The following SLC44A5 variants were observed in gnomAD, a reference collection of about 807,000 sequenced individuals.
The protein encoded by SLC44A5 is solute carrier family 44 member 5.
Under a neutral mutation model 101.8 loss-of-function variants are expected in SLC44A5, and 57 were observed. The ratio of observed to expected loss-of-function variants is 0.56; its 90% confidence interval spans 0.45 to 0.70. SLC44A5 has a LOEUF of 0.70. Among genes scored for constraint, SLC44A5 ranks in the 30% least tolerant of loss-of-function variants. The pLI is 0.00. For synonymous variants in SLC44A5, 281 were observed against 290.9 expected (o/e 0.97, Z 0.35); for missense variants, 737 against 853.1 (o/e 0.86, Z 1.70).
chr1:75,500,234 C>T (rs1668883777), intron 2 of SLC44A5, among the ~76,000 whole-genome samples: 2 of 152,158 alleles, frequency 1.3e-5, no homozygotes, highest in African/African-American at 4.8e-5. Flanking sequence ...CTATCACAAT[C>T]AATACTGAAA....
At chr1:75,203,957 G>GT in intron 23 of SLC44A5, 124 bp from the exon 24 acceptor site, 1 of 1,237,374 alleles carries the variant, frequency 8.1e-7, no homozygotes, top group Non-Finnish European at 1.1e-6. Context: ...TTTTGTTGTT[G>GT]TTTTTTAAAC....
intron 10 of SLC44A5, 97 bp from the exon 11 acceptor site, chr1:75,237,167 A>G: frequency 1.5e-6 from 1 of 671,854 alleles, no homozygotes; most frequent in Non-Finnish European, 2.6e-6. Context: ...GGTGCTGTTG[A>G]AAGCATGTTT....
chr1:75,600,287 A>G (rs1170483750), intron 1 of SLC44A5, among the ~76,000 whole-genome samples: 1 of 152,192 alleles, frequency 6.6e-6, no homozygotes. Flanking sequence ...AACCATGAAA[A>G]TTATATATGA....
At chr1:75,554,076 G>A (rs555450090) in intron 1 of SLC44A5, among the ~76,000 whole-genome samples, 2 of 152,316 alleles carry the variant, frequency 1.3e-5, no homozygotes, top group African/African-American at 4.8e-5. Flanking sequence ...TGATAAAAGT[G>A]TATGTAAGGC....
chr1:75,334,313 C>T (rs1255717838), intron 4 of SLC44A5, among the ~76,000 whole-genome samples: 1 of 152,028 alleles, frequency 6.6e-6, no homozygotes, highest in Non-Finnish European at 1.5e-5. Context: ...TCATCTTGGC[C>T]TCAAAATTAA....
At chr1:75,228,414 C>A (rs1647280159) in intron 12 of SLC44A5, among the ~76,000 whole-genome samples, 1 of 151,998 alleles carries the variant, frequency 6.6e-6, no homozygotes, top group Admixed American at 6.6e-5. Flanking sequence ...CTTTCCATCC[C>A]TTCACTTGCA....
the SLC44A5 span, among the ~76,000 whole-genome samples, chr1:75,635,726 G>A: frequency 2.0e-5 from 3 of 151,096 alleles, no homozygotes; most frequent in African/African-American, 4.9e-5. Flanking sequence ...GTTAATGGGT[G>A]CATCACACCA....
In SLC44A5 at chr1:75,483,991, C is replaced by T. The variant is rs868744431; in HGVS notation, c.13+57444G>A. ...TCATGAGAACAGCAAGGGAGAAATCCACCCCCATGATCCAATTATCTCCCA... is the reference window on the plus strand; with the variant it reads ...TCATGAGAACAGCAAGGGAGAAATCTACCCCCATGATCCAATTATCTCCCA... On this transcript the variant is annotated intron_variant, in intron 2 of 23. Transcript: ENST00000370859. Among the ~76,000 whole-genome samples, 12 of 152,192 alleles carry T rather than the reference C, an allele frequency of 7.9e-5. 1 individual carries two copies. In the Middle Eastern group the frequency reaches 0.031, roughly 388 times the overall value.
In SLC44A5 at chr1:75,482,822, C is replaced by T. The variant is rs920523491; in HGVS notation, c.13+58613G>A. Among the ~76,000 whole-genome samples the T allele has an allele frequency of 5.3e-5, 8 of 152,136 alleles. No individual in the cohort carries two copies. In the East Asian group the frequency reaches 1.5e-3, roughly 29 times the overall value. On this transcript the variant is annotated intron_variant, in intron 2 of 23. Coordinates refer to ENST00000370859, the MANE Select transcript of SLC44A5 (RefSeq NM_001130058.2). ...GTAAAGATAAGTTTCAATTTGTTCC[C>T]TCAGATATATATCATTTTCTTCCTG...
At chr1:75,584,635 C>T (rs1451211170) in intron 1 of SLC44A5, among the ~76,000 whole-genome samples, 1 of 152,112 alleles carries the variant, frequency 6.6e-6, no homozygotes, top group African/African-American at 2.4e-5. Flanking sequence ...CTCTGTCACC[C>T]AGGCTGGAGT....
intron 1 of SLC44A5, among the ~76,000 whole-genome samples, chr1:75,553,874 CT>C (rs1672074342): frequency 6.6e-6 from 1 of 150,430 alleles, no homozygotes; most frequent in Non-Finnish European, 1.5e-5. Context: ...GTAAGGAATC[CT>C]TGTGGAGCAG....
At chr1:75,243,424 A>G (rs1027908888) in intron 7 of SLC44A5, among the ~76,000 whole-genome samples, 2 of 152,132 alleles carry the variant, frequency 1.3e-5, no homozygotes, top group Non-Finnish European at 2.9e-5. Context: ...GGTGTAAGCC[A>G]CTGAACCTGG....
chr1:75,644,837 T>C, the SLC44A5 span, among the ~76,000 whole-genome samples: 1 of 148,726 alleles, frequency 6.7e-6, no homozygotes, highest in Non-Finnish European at 1.5e-5. Context: ...CCCCTTCCTG[T>C]GTCCAAGTGT....
At chr1:75,529,670 T>C (rs1245122542) in intron 2 of SLC44A5, among the ~76,000 whole-genome samples, 1 of 152,180 alleles carries the variant, frequency 6.6e-6, no homozygotes, top group Non-Finnish European at 1.5e-5. Flanking sequence ...ATTGCATCTC[T>C]TTGGAATGAC....
intron 2 of SLC44A5, among the ~76,000 whole-genome samples, chr1:75,512,064 T>G (rs543029996): frequency 8.5e-5 from 13 of 152,338 alleles, no homozygotes; most frequent in South Asian, 2.1e-4. Context: ...TGCTATAGCT[T>G]GGCCTCAATA....
At chr1:75,396,281 C>T (rs1662117021) in intron 3 of SLC44A5, among the ~76,000 whole-genome samples, 2 of 152,058 alleles carry the variant, frequency 1.3e-5, no homozygotes, top group South Asian at 4.1e-4. Flanking sequence ...GTGTCAAAGT[C>T]ACAAACTGAG....
chr1:75,483,993 C>A (rs991049496), intron 2 of SLC44A5, among the ~76,000 whole-genome samples: 1 of 151,958 alleles, frequency 6.6e-6, no homozygotes, highest in Non-Finnish European at 1.5e-5. Flanking sequence ...GAGAAATCCA[C>A]CCCCATGATC....
At chr1:75,362,368 A>G (rs1323263021) in intron 3 of SLC44A5, among the ~76,000 whole-genome samples, 5 of 151,676 alleles carry the variant, frequency 3.3e-5, no homozygotes, top group Admixed American at 3.3e-4. Context: ...ACTTTTGTGA[A>G]GTCAGATGTT....
At chr1:75,419,511 G>GA (rs536240388) in intron 2 of SLC44A5, among the ~76,000 whole-genome samples, 27 of 146,384 alleles carry the variant, frequency 1.8e-4, no homozygotes, top group African/African-American at 5.5e-4. Flanking sequence ...TCTGTACCAG[G>GA]AAAAAAAAAC....
Sources: gnomAD v4.1 joint callset for allele counts (sites outside exome capture counted in the v4.1 genomes callset) on GRCh38, gnomAD v4.1.1 for gene constraint, MANE v1.5 for transcripts, NCBI Gene and HGNC (gene_info 2026-07-23, HGNC 2026-07-21) for gene names.